XKRX: variants seen among roughly 807,000 people sequenced by gnomAD.
The protein encoded by XKRX is XK related X-linked.
A neutral mutation model predicts 22.4 loss-of-function variants in XKRX; 11 were observed. The observed-to-expected ratio is 0.49, with a 90% CI of 0.31 to 0.81. The LOEUF (loss-of-function observed/expected upper bound fraction) is 0.81. XKRX is among the 40% of genes least tolerant of loss of function. The pLI is 0.05. For synonymous variants in XKRX, 114 were observed against 132.2 expected, an observed-to-expected ratio of 0.86 and a Z score of 0.94; for missense variants, 320 against 336.5, an observed-to-expected ratio of 0.95 and a Z score of 0.38.
chrX:100,956,976 T>C, the XKRX span: 1 of 1,067,056 alleles, frequency 9.4e-7, no homozygotes, highest in South Asian at 1.9e-5. Flanking sequence ...TGCCCGAGCT[T>C]GGGACAAGGG....
chrX:100,893,091 C>T, the XKRX span, among the ~76,000 whole-genome samples: 1 of 111,987 alleles, frequency 8.9e-6, no homozygotes, highest in Non-Finnish European at 1.9e-5. Flanking sequence ...AAGATAAATA[C>T]TGCATGATCT....
At chrX:100,943,568 T>A in the XKRX span, among the ~76,000 whole-genome samples, 1 of 111,402 alleles carries the variant, frequency 9.0e-6, no homozygotes, top group Admixed American at 9.5e-5. Flanking sequence ...CATGCCCAGC[T>A]AATTTTTGTA....
At chrX:100,919,033 T>C (rs2147940244) in intron 2 of XKRX, among the ~76,000 whole-genome samples, 1 of 111,669 alleles carries the variant, frequency 9.0e-6, no homozygotes, top group East Asian at 2.8e-4. Context: ...ACTATACAAT[T>C]TTACTGAGGT....
At position 100,928,661 on chromosome X, in the gene XKRX, T is replaced by C; in HGVS notation, c.-357A>G. 2.5e-6 allele frequency: 2 copies of C among 803,076 alleles called. No homozygotes were observed. The highest frequency in any genetic ancestry group is 3.0e-6 in the Non-Finnish European group (2 of 671,759). 66.2% of individuals were successfully genotyped at this position (803,076 alleles called of 1,213,427 possible). A position where few individuals can be genotyped will look rare whatever the true frequency, so the allele number is the denominator to read the frequency against. ...GTGAAGAGTCATGAGAACAGCGGCT[T>C]CCGTGGCGGCTCCTTTCGCAGCCCC... On this transcript the variant is annotated 5_prime_UTR_variant, in exon 1 of 3. Coordinates refer to ENST00000372956, the MANE Select transcript of XKRX (RefSeq NM_212559.3).
chrX:100,955,101 T>C, the XKRX span, among the ~76,000 whole-genome samples: 86 of 112,109 alleles, frequency 7.7e-4, no homozygotes, highest in African/African-American at 2.6e-3. Context: ...TTTTAAAAAA[T>C]GCGGCCTGCT....
intron 2 of XKRX, among the ~76,000 whole-genome samples, chrX:100,921,014 G>C (rs2085469601): frequency 9.0e-6 from 1 of 111,147 alleles, no homozygotes. Flanking sequence ...TGATTCTCAT[G>C]CATCAGCCTC....
chrX:100,918,133 C>A (rs1339686953), intron 2 of XKRX, among the ~76,000 whole-genome samples: 2 of 112,110 alleles, frequency 1.8e-5, no homozygotes, highest in Non-Finnish European at 3.8e-5. Context: ...GTTTTCTGTT[C>A]CTATTAAAAC....
At chrX:100,933,337 C>T (rs1264117721), upstream of XKRX, among the ~76,000 whole-genome samples, 1 of 109,597 alleles carries the variant, frequency 9.1e-6, no homozygotes, top group Non-Finnish European at 1.9e-5. Context: ...CAAAAATTAG[C>T]CAGGTGTGGT....
At position 100,914,126 on chromosome X, in the gene XKRX, CTATA is replaced by C. The variant is rs1191297885; in HGVS notation, c.*208_*211del. On this transcript the variant is annotated 3_prime_UTR_variant, in exon 3 of 3. Coordinates refer to ENST00000372956, the MANE Select transcript of XKRX (RefSeq NM_212559.3). Reference sequence around the variant, plus strand: ...TGAATGGTATTTCTGACCCTTTCAACTATATAGTCGATACCCCCTGTTTCCAAAC... The same window carrying C: ...TGAATGGTATTTCTGACCCTTTCAACTAGTCGATACCCCCTGTTTCCAAAC... The C allele has an allele frequency of 1.8e-5, 8 of 450,446 alleles. No individual in the cohort carries two copies. Among genetic ancestry groups the C allele is most frequent in the Non-Finnish European group, 3.0e-5 (8 of 262,805 alleles). 37.1% of individuals were successfully genotyped at this position (450,446 alleles called of 1,213,427 possible). A position where few individuals can be genotyped will look rare whatever the true frequency, so the allele number is the denominator to read the frequency against.
At chrX:100,908,994 G>A (rs761750018), downstream of XKRX, among the ~76,000 whole-genome samples, 4 of 111,905 alleles carry the variant, frequency 3.6e-5, no homozygotes, top group Admixed American at 9.5e-5. Context: ...CCTAGCAGGA[G>A]TAAGAGCAGT....
chrX:100,942,271 C>T, the XKRX span, among the ~76,000 whole-genome samples: 3 of 112,063 alleles, frequency 2.7e-5, no homozygotes, highest in African/African-American at 9.7e-5. Context: ...AAACATCTTC[C>T]GAGGCTCTCC....
intron 2 of XKRX, among the ~76,000 whole-genome samples, chrX:100,915,686 G>GCC (rs2147937849): frequency 1.6e-5 from 1 of 62,927 alleles, no homozygotes; most frequent in South Asian, 7.4e-4. Context: ...TGGTGGGTGT[G>GCC]TCTGTGTGTG....
At chrX:100,949,534 T>G in the XKRX span, among the ~76,000 whole-genome samples, 1 of 109,404 alleles carries the variant, frequency 9.1e-6, no homozygotes. Flanking sequence ...GCCCAGCTAA[T>G]TTTTGTATTT....
the XKRX span, chrX:100,956,665 C>T: frequency 9.1e-6 from 5 of 547,689 alleles, no homozygotes; most frequent in East Asian, 3.4e-5. Context: ...GACCCTCTTC[C>T]GCCCTTTTGG....
At position 100,915,099 on chromosome X, in the gene XKRX, AC is replaced by A; in HGVS notation, c.605-17del. The A allele has an allele frequency of 8.4e-7, 1 of 1,196,032 alleles. No individual in the cohort carries two copies. Among genetic ancestry groups the A allele is most frequent in the Admixed American group, 2.2e-5 (1 of 44,554 alleles). On this transcript the variant is annotated splice_polypyrimidine_tract_variant and intron_variant, in intron 2 of 2. Transcript: ENST00000372956. Reference sequence around the variant, plus strand: ...ATTAGCACAACTGTTAAAAACAAAAACAAAAACAAAAACAGGCAATCAGTCA... The same window carrying A: ...ATTAGCACAACTGTTAAAAACAAAAAAAAAACAAAAACAGGCAATCAGTCA...
At chrX:100,954,228 C>G in the XKRX span, among the ~76,000 whole-genome samples, 4 of 110,653 alleles carry the variant, frequency 3.6e-5, no homozygotes, top group Admixed American at 3.9e-4. Flanking sequence ...AGACCAGCCT[C>G]GCCAACATGG....
the XKRX span, among the ~76,000 whole-genome samples, chrX:100,949,184 G>A: frequency 1.8e-5 from 2 of 111,279 alleles, no homozygotes; most frequent in Admixed American, 1.9e-4. Flanking sequence ...AGGCTGAGTG[G>A]GGAACTAAAC....
At chrX:100,934,432 C>T (rs757207830), upstream of XKRX, among the ~76,000 whole-genome samples, 1 of 111,823 alleles carries the variant, frequency 8.9e-6, no homozygotes, top group African/African-American at 3.2e-5. Context: ...ATTTCTATAT[C>T]GCAGCCTGAA....
At chrX:100,910,487 G>A (rs1963290), downstream of XKRX, among the ~76,000 whole-genome samples, 30,526 of 108,512 alleles carry the variant, frequency 0.28, 4,664 homozygotes, top group African/African-American at 0.58. Flanking sequence ...TGGGAGGCTA[G>A]GGCAGGAGAA....
Sources: gnomAD v4.1 joint callset for allele counts (sites outside exome capture counted in the v4.1 genomes callset) on GRCh38, gnomAD v4.1.1 for gene constraint, MANE v1.5 for transcripts, NCBI Gene and HGNC (gene_info 2026-07-23, HGNC 2026-07-21) for gene names.